The following SLX4IP variants were observed in gnomAD, a reference collection of about 807,000 sequenced individuals.
SLX4IP encodes the protein SLX4 interacting protein, also known as protein SLX4IP.
A neutral mutation model predicts 32.9 loss-of-function variants in SLX4IP; 34 were observed. The observed-to-expected ratio is 1.03, with a 90% CI of 0.79 to 1.38. SLX4IP has a LOEUF of 1.38. Among genes scored for constraint, SLX4IP ranks in the 40% most tolerant of loss-of-function variants. The probability of loss-of-function intolerance (pLI) is 0.00; values close to 1 mark genes in which losing one functional copy is unlikely to be tolerated. For synonymous variants in SLX4IP, 172 were observed against 171.7 expected, an observed-to-expected ratio of 1.00 and a Z score of -0.01; for missense variants, 444 against 479.0, an observed-to-expected ratio of 0.93 and a Z score of 0.68.
At chr20:10,441,731 G>GTT (rs3064149) in intron 1 of SLX4IP, among the ~76,000 whole-genome samples, 72,141 of 147,536 alleles carry the variant, frequency 0.49, 18,670 homozygotes, top group Non-Finnish European at 0.6. Context: ...GTTTGTTTTT[G>GTT]TTTTTTTTTT....
chr20:10,546,518 A>T (rs556151776), intron 2 of SLX4IP, among the ~76,000 whole-genome samples: 2 of 152,362 alleles, frequency 1.3e-5, no homozygotes, highest in East Asian at 3.9e-4. Flanking sequence ...TTTGGAATTT[A>T]AGACAAATTC....
chr20:10,496,999 T>C (rs574582072), intron 2 of SLX4IP, among the ~76,000 whole-genome samples: 4 of 152,342 alleles, frequency 2.6e-5, no homozygotes, highest in African/African-American at 7.2e-5. Context: ...AATTGGTTAT[T>C]AATATTTTTT....
chr20:10,583,442 T>G (rs1017628239), intron 4 of SLX4IP, among the ~76,000 whole-genome samples: 2 of 152,192 alleles, frequency 1.3e-5, no homozygotes, highest in Admixed American at 1.3e-4. Flanking sequence ...CTTTAACCTG[T>G]AGGAACCCTC....
At chr20:10,504,575 T>C (rs539069534) in intron 2 of SLX4IP, among the ~76,000 whole-genome samples, 1 of 152,282 alleles carries the variant, frequency 6.6e-6, no homozygotes, top group East Asian at 1.9e-4. Flanking sequence ...GGCCCATGAA[T>C]TTCTGCACTT....
chr20:10,479,119 C>A (rs1398918095), intron 2 of SLX4IP, among the ~76,000 whole-genome samples: 1 of 152,134 alleles, frequency 6.6e-6, no homozygotes, highest in African/African-American at 2.4e-5. Flanking sequence ...GTGGTTAGGA[C>A]GGTGGACTCC....
At chr20:10,536,636 C>T (rs918795531) in intron 2 of SLX4IP, among the ~76,000 whole-genome samples, 13 of 152,190 alleles carry the variant, frequency 8.5e-5, no homozygotes, top group African/African-American at 3.1e-4. Context: ...CCAGCCTGGC[C>T]ACCGTTGCCC....
At chr20:10,606,904 G>A (rs934086007) in intron 6 of SLX4IP, among the ~76,000 whole-genome samples, 24 of 152,102 alleles carry the variant, frequency 1.6e-4, no homozygotes, top group African/African-American at 5.1e-4. Context: ...AGTAAGGAAA[G>A]TAACTCTCAG....
chr20:10,615,218 A>G (rs1180071602), intron 6 of SLX4IP, among the ~76,000 whole-genome samples: 2 of 152,134 alleles, frequency 1.3e-5, no homozygotes, highest in African/African-American at 4.8e-5. Context: ...CATCTCAGGT[A>G]GGCTTGGATC....
intron 6 of SLX4IP, 129 bp downstream of exon 6, chr20:10,601,948 C>T: frequency 1.4e-6 from 1 of 732,772 alleles, no homozygotes; most frequent in Non-Finnish European, 2.3e-6. Flanking sequence ...TTTAAGGGAA[C>T]AAGAAGCCCT....
intron 2 of SLX4IP, among the ~76,000 whole-genome samples, chr20:10,511,187 C>G (rs983006704): frequency 6.6e-6 from 1 of 152,198 alleles, no homozygotes; most frequent in East Asian, 1.9e-4. Flanking sequence ...TCATAATCTG[C>G]TGACACCTAT....
chr20:10,518,524 TCC>T lies in SLX4IP; in HGVS notation c.28-37706_28-37705del, dbSNP rs1352612059. Among the ~76,000 whole-genome samples, 50 of 142,068 alleles carry T rather than the reference TCC, an allele frequency of 3.5e-4. 1 individual carries two copies. Among genetic ancestry groups the T allele is most frequent in the South Asian group, 7.1e-4 (3 of 4,230 alleles). 93.2% of individuals were successfully genotyped at this position (142,068 alleles called of 152,430 possible). A position where few individuals can be genotyped will look rare whatever the true frequency, so the allele number is the denominator to read the frequency against. Reference sequence around the variant, plus strand: ...TTCCTTCCTTCCTTCCTTCCTTCCTTCCTTCCTTCCTTCCTTCCTTCCTTCCT... The same window carrying T: ...TTCCTTCCTTCCTTCCTTCCTTCCTTTTCCTTCCTTCCTTCCTTCCTTCCT... On this transcript the variant is annotated intron_variant, in intron 2 of 7. Coordinates refer to ENST00000334534, the MANE Select transcript of SLX4IP (RefSeq NM_001009608.3).
Position 10,458,208 on chromosome 20 carries a change from G to A in SLX4IP, c.4G>A (p.Ala2Thr), listed in dbSNP as rs758437771. 4 of 1,588,778 alleles carry A rather than the reference G, an allele frequency of 2.5e-6. No homozygotes were observed. Among genetic ancestry groups the A allele is most frequent in the Middle Eastern group, 1.7e-4 (1 of 5,972 alleles). Residue 2 changes from alanine to threonine, a missense_variant, in exon 2 of 8, where the codon GCA (alanine) becomes ACA (threonine). Transcript: ENST00000334534. M[A>T]SKKFAVKCGN... Reference sequence around the variant, plus strand: ...GTTACTGTGGAATCAATAAGCCATGGCATCTAAGAAATTTGCTGTTAAAGT... The same window carrying A: ...GTTACTGTGGAATCAATAAGCCATGACATCTAAGAAATTTGCTGTTAAAGT...
chr20:10,597,314 A>G (rs1246605822), intron 4 of SLX4IP, among the ~76,000 whole-genome samples: 3 of 152,290 alleles, frequency 2.0e-5, no homozygotes, highest in African/African-American at 7.2e-5. Context: ...TCTTCTACCA[A>G]ATAACTTGAC....
At position 10,586,972 on chromosome 20, in the gene SLX4IP, C is replaced by T. The variant is rs182646973; in HGVS notation, c.239-11703C>T. Among the ~76,000 whole-genome samples the T allele has an allele frequency of 1.1e-3, 171 of 152,150 alleles. 2 individuals carry two copies. In the Middle Eastern group the frequency reaches 0.027, roughly 24 times the overall value. On this transcript the variant is annotated intron_variant, in intron 4 of 7. Coordinates refer to ENST00000334534, the MANE Select transcript of SLX4IP (RefSeq NM_001009608.3). ...GCCCCAAAATTTAAGAACTAGGTAA[C>T]TCCAGTTTTATGTACTTGAATAAAT...
At chr20:10,466,932 A>G (rs6039959) in intron 2 of SLX4IP, among the ~76,000 whole-genome samples, 75,598 of 151,928 alleles carry the variant, frequency 0.5, 20,156 homozygotes, top group Non-Finnish European at 0.6. Context: ...ATAGTTTTAT[A>G]TTCTTCTCTG....
chr20:10,454,507 C>T (rs1002422081), intron 1 of SLX4IP, among the ~76,000 whole-genome samples: 3 of 152,192 alleles, frequency 2.0e-5, no homozygotes, highest in Admixed American at 6.5e-5. Context: ...CTCTGTCTTA[C>T]CCTCTTCAGA....
intron 6 of SLX4IP, among the ~76,000 whole-genome samples, chr20:10,604,188 G>A (rs1568767057): frequency 6.6e-6 from 1 of 152,328 alleles, no homozygotes; most frequent in East Asian, 1.9e-4. Flanking sequence ...AAGAACATCT[G>A]ACTGGGCAAG....
intron 2 of SLX4IP, among the ~76,000 whole-genome samples, chr20:10,482,053 T>C (rs2065527057): frequency 6.6e-6 from 1 of 152,170 alleles, no homozygotes; most frequent in African/African-American, 2.4e-5. Flanking sequence ...TCACATTCTA[T>C]TTGCTAGAAG....
chr20:10,466,076 A>G (rs965200630), intron 2 of SLX4IP, among the ~76,000 whole-genome samples: 11 of 152,236 alleles, frequency 7.2e-5, no homozygotes, highest in African/African-American at 2.7e-4. Context: ...TGTAATAGTC[A>G]TGAATGTTTA....
Sources: gnomAD v4.1 joint callset for allele counts (sites outside exome capture counted in the v4.1 genomes callset) on GRCh38, gnomAD v4.1.1 for gene constraint, MANE v1.5 for transcripts, NCBI Gene and HGNC (gene_info 2026-07-23, HGNC 2026-07-21) for gene names.